ARL2: variants seen among roughly 807,000 people sequenced by gnomAD.
The protein encoded by ARL2 is ADP-ribosylation factor-like protein 2.
Under a neutral mutation model 22.0 loss-of-function variants are expected in ARL2, and 11 were observed. The observed-to-expected ratio is 0.50, with a 90% CI of 0.31 to 0.83. The LOEUF (loss-of-function observed/expected upper bound fraction) is 0.83, where lower values mean the gene tolerates loss of function less well. Ranked by LOEUF, ARL2 falls within the 40% of genes least tolerant of loss-of-function variation. The probability of loss-of-function intolerance (pLI) is 0.04; values close to 1 mark genes in which losing one functional copy is unlikely to be tolerated. For missense variants in ARL2, 216 were observed against 243.2 expected (o/e 0.89, Z 0.74); for synonymous variants, 111 against 100.8 (o/e 1.10, Z -0.61).
In ARL2 at chr11:65,018,424, C is replaced by T. The variant is rs139269006; in HGVS notation, c.126C>T (p.Asp42=). The part of the protein sequence containing the change: ...ILKKFNGEDI[D]TISPTLGFNI... ...AGAAGTTCAATGGGGAGGACATCGACACCATCTCCCCAACGCTGGGCTTCA... is the reference window on the plus strand; with the variant it reads ...AGAAGTTCAATGGGGAGGACATCGATACCATCTCCCCAACGCTGGGCTTCA... The change falls in exon 2 of 5, where the codon GAC becomes GAT. Residue 42 remains aspartate (D), a synonymous_variant. Coordinates refer to ENST00000246747, the MANE Select transcript of ARL2 (RefSeq NM_001667.4). This position sits in a 1 kb window ranked among gnomAD's most constrained non-coding sequence, Gnocchi z 4.2. The T allele has an allele frequency of 4.8e-5, 78 of 1,609,666 alleles. No individual in the cohort carries two copies. Among genetic ancestry groups the T allele is most frequent in the Non-Finnish European group, 6.2e-5 (73 of 1,178,392 alleles).
intron 1 of ARL2, 145 bp downstream of exon 1, chr11:65,014,417 C>A: frequency 1.5e-6 from 1 of 648,010 alleles, no homozygotes; most frequent in South Asian, 2.4e-5. Context: ...TCAATCGCCC[C>A]GTCGGGCCGG....
rs11825104 is a variant in ARL2 at position 65,022,109 on chromosome 11, G to A, written c.*254G>A. The A allele has an allele frequency of 2.2e-3, 1,155 of 522,588 alleles. 15 individuals carry two copies. Among genetic ancestry groups the A allele is most frequent in the African/African-American group, 0.02 (1,052 of 52,726 alleles). The allele number at this position is 522,588 out of a possible 1,614,324, so 32.4% of individuals were successfully genotyped here. ...CAAGAAGAGAGGGCTGGGCGGGGAG[G>A]AGCTGCTACTGCTGCTACCGAGGCT... On this transcript the variant is annotated 3_prime_UTR_variant, in exon 5 of 5. Coordinates refer to ENST00000246747, the MANE Select transcript of ARL2 (RefSeq NM_001667.4).
At chr11:65,019,197 A>T in intron 3 of ARL2, 1 of 288,348 alleles carries the variant, frequency 3.5e-6, no homozygotes, top group African/African-American at 2.2e-5. Flanking sequence ...TGATCGTGCC[A>T]CTGCACTCCA....
chr11:65,018,593 G>A lies in ARL2; in HGVS notation c.199G>A (p.Val67Met), dbSNP rs1457673148. 1 of 1,611,932 alleles carries A rather than the reference G, an allele frequency of 6.2e-7. No homozygotes were observed. The highest frequency in any genetic ancestry group is 8.5e-7 in the Non-Finnish European group (1 of 1,179,004). Residue 67 changes from valine (V) to methionine (M), a missense_variant, in exon 3 of 5, where the codon GTG becomes ATG. Transcript: ENST00000246747. This position sits in a 1 kb window ranked among gnomAD's most constrained non-coding sequence, Gnocchi z 4.2. The stretch of plus-strand genomic sequence containing the variant: ...CAGATTCAAGCTGAACATCTGGGAT[G>A]TGGGTGGCCAGAAGTCCCTGCGGTC... ...HRGFKLNIWD[V>M]GGQKSLRSYW...
Position 65,021,780 on chromosome 11 carries a change from C to A in ARL2, c.480C>A (p.Val160=), listed in dbSNP as rs141724442. ...HHWCIQGCSA[V]TGENLLPGID... Reference sequence around the variant, plus strand: ...GGTGCATCCAGGGCTGCAGCGCCGTCACCGGGGAGAACCTGCTGCCGGGCA... The same window carrying A: ...GGTGCATCCAGGGCTGCAGCGCCGTAACCGGGGAGAACCTGCTGCCGGGCA... The change falls in exon 5 of 5, where the codon GTC becomes GTA. Residue 160 remains valine (V), a synonymous_variant. Coordinates refer to ENST00000246747, the MANE Select transcript of ARL2 (RefSeq NM_001667.4). 5.2e-5 allele frequency: 84 copies of A among 1,613,078 alleles called. No individual in the cohort carries two copies. The highest frequency in any genetic ancestry group is 6.9e-5 in the Non-Finnish European group (82 of 1,179,930).
Position 65,014,180 on chromosome 11 carries a change from C to G in ARL2, c.-28C>G. On this transcript the variant is annotated 5_prime_UTR_variant, in exon 1 of 5. Coordinates refer to ENST00000246747, the MANE Select transcript of ARL2 (RefSeq NM_001667.4). ...GCGGGGTCCCGGGACTGGGAAGAAA[C>G]GGCGGCCGGGAGGGGGCTCCGGGGA... is the stretch of plus-strand genomic sequence containing the variant. 1 of 1,539,554 alleles carries G rather than the reference C, an allele frequency of 6.5e-7. No homozygotes were observed. Among genetic ancestry groups the G allele is most frequent in the African/African-American group, 1.4e-5 (1 of 69,896 alleles).
chr11:65,015,583 G>C (rs948140501), intron 1 of ARL2, among the ~76,000 whole-genome samples: 1 of 152,206 alleles, frequency 6.6e-6, no homozygotes, highest in Non-Finnish European at 1.5e-5. Flanking sequence ...GTGGCGGGGG[G>C]GTTGCCCGCG....
In ARL2 at chr11:65,014,227, TGAA is replaced by T; in HGVS notation, c.26_28del (p.Lys9del). On this transcript the variant is annotated inframe_deletion, in exon 1 of 5. Coordinates refer to ENST00000246747, the MANE Select transcript of ARL2 (RefSeq NM_001667.4). ...GGGACCATGGGGCTCCTGACCATTC[TGAA>T]GAAGATGAAGCAGAAAGAGCGGGAG... 6.4e-7 allele frequency: 1 copy of T among 1,573,710 alleles called. No homozygotes were observed. Among genetic ancestry groups the T allele is most frequent in the Non-Finnish European group, 8.6e-7 (1 of 1,163,756 alleles).
chr11:65,018,649 T>C lies in ARL2; in HGVS notation c.255T>C (p.Asp85=), dbSNP rs1340713170. The C allele has an allele frequency of 6.2e-7, 1 of 1,614,190 alleles. No homozygotes were observed. Among genetic ancestry groups the C allele is most frequent in the Non-Finnish European group, 8.5e-7 (1 of 1,180,026 alleles). ...GGCGGAACTACTTTGAGAGCACCGA[T>C]GGCCTCATCTGGGTAGTGGACAGCG... is the stretch of plus-strand genomic sequence containing the variant. The part of the protein sequence containing the change: ...SYWRNYFEST[D]GLIWVVDSAD... Residue 85 remains aspartate, a synonymous_variant, in exon 3 of 5, where the codon GAT becomes GAC. Coordinates refer to ENST00000246747, the MANE Select transcript of ARL2 (RefSeq NM_001667.4). The surrounding 1 kb of genome is among the most constrained non-coding windows in gnomAD (Gnocchi z 4.2).
chr11:65,021,300 C>A (rs905488628), intron 4 of ARL2, among the ~76,000 whole-genome samples: 1 of 152,220 alleles, frequency 6.6e-6, no homozygotes, highest in Non-Finnish European at 1.5e-5. Flanking sequence ...GGGTTAAAAT[C>A]TTGGCTCTGC....
At chr11:65,014,858 C>T (rs1284896490) in intron 1 of ARL2, among the ~76,000 whole-genome samples, 1 of 152,264 alleles carries the variant, frequency 6.6e-6, no homozygotes, top group African/African-American at 2.4e-5. Context: ...GCACCTGTTC[C>T]CCCAGCTCTG....
At chr11:65,017,494 CCTATTTGCTCT>C (rs1484988640) in intron 1 of ARL2, among the ~76,000 whole-genome samples, 1 of 152,086 alleles carries the variant, frequency 6.6e-6, no homozygotes, top group East Asian at 1.9e-4. Context: ...CCGCGCCCGG[CCTATTTGCTCT>C]TTTTAAGGTG....
At chr11:65,014,848 G>T (rs192134757) in intron 1 of ARL2, among the ~76,000 whole-genome samples, 1 of 152,376 alleles carries the variant, frequency 6.6e-6, no homozygotes, top group African/African-American at 2.4e-5. Flanking sequence ...TTAGGCGCCC[G>T]CACCTGTTCC....
intron 1 of ARL2, among the ~76,000 whole-genome samples, chr11:65,014,561 A>T (rs1946226009): frequency 1.3e-5 from 2 of 151,960 alleles, no homozygotes; most frequent in African/African-American, 4.8e-5. Flanking sequence ...GGACGCCACC[A>T]CCCGGCGGCC....
chr11:65,020,869 C>CAAAAA (rs58186585), intron 4 of ARL2, among the ~76,000 whole-genome samples: 4,522 of 67,812 alleles, frequency 0.067, 92 homozygotes, highest in Middle Eastern at 0.13. Flanking sequence ...GACTTCGTCT[C>CAAAAA]AAAAAAAAAA....
intron 1 of ARL2, among the ~76,000 whole-genome samples, chr11:65,017,255 G>A (rs1946268280): frequency 1.3e-5 from 2 of 151,724 alleles, no homozygotes; most frequent in South Asian, 4.2e-4. Flanking sequence ...GAGTACAGTG[G>A]TGTGATCTCG....
chr11:65,015,144 G>T (rs1390580189), intron 1 of ARL2, among the ~76,000 whole-genome samples: 3 of 150,724 alleles, frequency 2.0e-5, no homozygotes, highest in South Asian at 2.1e-4. Flanking sequence ...ACGGAGTTTC[G>T]CTCTTGTTGC....
At chr11:65,017,883 T>TA in intron 1 of ARL2, among the ~76,000 whole-genome samples, 1 of 152,344 alleles carries the variant, frequency 6.6e-6, no homozygotes, top group East Asian at 1.9e-4. Context: ...TATTTGTTCT[T>TA]ACCTTAGTTC....
At chr11:65,017,251 A>G (rs1946268185) in intron 1 of ARL2, among the ~76,000 whole-genome samples, 1 of 151,000 alleles carries the variant, frequency 6.6e-6, no homozygotes, top group Non-Finnish European at 1.5e-5. Context: ...GCTGGAGTAC[A>G]GTGGTGTGAT....
Sources: allele counts gnomAD v4.1 joint callset (sites outside exome capture counted in the v4.1 genomes callset), GRCh38; gene constraint gnomAD v4.1.1; non-coding constraint Gnocchi (gnomAD v3.1); transcripts MANE v1.5; gene names NCBI Gene and HGNC (gene_info 2026-07-23, HGNC 2026-07-21).